SPRED1: variants seen among roughly 807,000 people sequenced by gnomAD.
SPRED1 encodes the protein sprouty related EVH1 domain containing 1.
A neutral mutation model predicts 52.3 loss-of-function variants in SPRED1; 18 were observed. That is an observed-to-expected ratio of 0.34 (90% CI 0.24 to 0.51). The LOEUF (loss-of-function observed/expected upper bound fraction) is 0.51. Among genes scored for constraint, SPRED1 ranks in the 20% least tolerant of loss-of-function variants. SPRED1 has a pLI of 0.97. For missense variants in SPRED1, 485 were observed against 551.0 expected (o/e 0.88, Z 1.20); for synonymous variants, 155 against 179.7 (o/e 0.86, Z 1.10).
chr15:38,267,191 T>C (rs572630378), intron 1 of SPRED1, among the ~76,000 whole-genome samples: 1 of 152,318 alleles, frequency 6.6e-6, no homozygotes, highest in South Asian at 2.1e-4. Context: ...TCACCTGATA[T>C]ACTTAATATA....
intron 2 of SPRED1, among the ~76,000 whole-genome samples, chr15:38,312,948 T>C (rs756802773): frequency 2.0e-5 from 3 of 152,022 alleles, no homozygotes; most frequent in Non-Finnish European, 2.9e-5. Context: ...CCCTCTTGTA[T>C]ACCTTTTACC....
intron 1 of SPRED1, among the ~76,000 whole-genome samples, chr15:38,294,254 C>T (rs7182928): frequency 4.4e-4 from 67 of 152,250 alleles, no homozygotes; most frequent in African/African-American, 1.5e-3. Context: ...GGTGTTCTGT[C>T]ACTATAAATA....
chr15:38,351,373 T>G lies in SPRED1; in HGVS notation c.1044T>G (p.Val348=), dbSNP rs3751526. 6.2e-7 allele frequency: 1 copy of G among 1,614,006 alleles called. No homozygotes were observed. The highest frequency in any genetic ancestry group is 1.3e-5 in the African/African-American group (1 of 74,954). ...AAAGGTTTAATCATGAAGAAAATGT[T>G]AGGGGAAAATGTCAGGATGCTCCAG... ...CQERFNHEEN[V]RGKCQDAPDP... The change falls in exon 7 of 7, where the codon GTT becomes GTG. Residue 348 remains valine, a synonymous_variant. Coordinates refer to ENST00000299084, the MANE Select transcript of SPRED1 (RefSeq NM_152594.3).
At chr15:38,311,556 A>T (rs777543191) in intron 2 of SPRED1, among the ~76,000 whole-genome samples, 10 of 152,178 alleles carry the variant, frequency 6.6e-5, no homozygotes, top group Non-Finnish European at 1.2e-4. Context: ...CAATATGAAG[A>T]TCTCTTCAGA....
intron 2 of SPRED1, among the ~76,000 whole-genome samples, chr15:38,302,860 G>A (rs1321251822): frequency 6.6e-6 from 1 of 152,048 alleles, no homozygotes; most frequent in African/African-American, 2.4e-5. Flanking sequence ...TCGTTGTTAA[G>A]GACAGATTCT....
At chr15:38,271,393 G>C (rs941964606) in intron 1 of SPRED1, among the ~76,000 whole-genome samples, 2 of 152,182 alleles carry the variant, frequency 1.3e-5, no homozygotes, top group Non-Finnish European at 2.9e-5. Flanking sequence ...GCATTTCTTA[G>C]TAGTCACATT....
intron 1 of SPRED1, among the ~76,000 whole-genome samples, chr15:38,277,589 A>T (rs111781310): frequency 1.3e-5 from 2 of 152,156 alleles, no homozygotes; most frequent in Non-Finnish European, 2.9e-5. Context: ...ATACATGTGC[A>T]TGTGTCTTTA....
intron 5 of SPRED1, among the ~76,000 whole-genome samples, chr15:38,347,461 C>CTTTTTTTT (rs3075337): frequency 2.1e-5 from 2 of 93,222 alleles, no homozygotes; most frequent in African/African-American, 8.1e-5. Context: ...CCGCTTGGAT[C>CTTTTTTTT]TTTTTTTTTT....
At chr15:38,344,424 C>A (rs142388573) in intron 5 of SPRED1, among the ~76,000 whole-genome samples, 56 of 152,240 alleles carry the variant, frequency 3.7e-4, no homozygotes, top group Middle Eastern at 6.8e-3. Flanking sequence ...GAACTGAACT[C>A]TTCTCCCAAA....
chr15:38,261,734 G>A (rs750089937), intron 1 of SPRED1, among the ~76,000 whole-genome samples: 3 of 152,152 alleles, frequency 2.0e-5, no homozygotes, highest in Non-Finnish European at 4.4e-5. Context: ...AATGTGGAAT[G>A]TAATTCTTTT....
rs564279228 is a variant in SPRED1 at position 38,320,061 on chromosome 15, A to G, written c.208-2180A>G. Among the ~76,000 whole-genome samples, 19 of 152,324 alleles carry G rather than the reference A, an allele frequency of 1.2e-4. No individual in the cohort carries two copies. The East Asian group carries it at 3.5e-3, about 28-fold the overall frequency. ...CAAGAACCTAGGTAATTGTAAAAAT[A>G]TAGTAAAATAATTAGGAACTGATGA... On this transcript the variant is annotated intron_variant, in intron 2 of 6. Transcript: ENST00000299084.
intron 4 of SPRED1, among the ~76,000 whole-genome samples, chr15:38,331,136 C>T (rs180944858): frequency 5.1e-4 from 77 of 151,726 alleles, no homozygotes; most frequent in Middle Eastern, 3.4e-3. Context: ...ATAATTCTTA[C>T]ACCAGCAGCT....
chr15:38,324,913 T>G lies in SPRED1; in HGVS notation c.423+104T>G, dbSNP rs1263036009. 4 of 948,918 alleles carry G rather than the reference T, an allele frequency of 4.2e-6. No homozygotes were observed. The African/African-American group carries it at 6.5e-5, about 16-fold the overall frequency. 58.8% of individuals were successfully genotyped at this position (948,918 alleles called of 1,614,324 possible). ...ATTACTAAGAATATTTCTAAGACAC[T>G]CTATTTGTCAGATTTCTCCAGAAGA... On this transcript the variant is annotated intron_variant, in intron 4 of 6. Coordinates refer to ENST00000299084, the MANE Select transcript of SPRED1 (RefSeq NM_152594.3).
intron 1 of SPRED1, among the ~76,000 whole-genome samples, chr15:38,287,007 G>A (rs1301527747): frequency 6.6e-6 from 1 of 152,022 alleles, no homozygotes; most frequent in African/African-American, 2.4e-5. Context: ...CTTGAGGGAA[G>A]GTATAGAATC....
intron 4 of SPRED1, among the ~76,000 whole-genome samples, chr15:38,331,267 C>T (rs114771901): frequency 0.024 from 3,669 of 152,102 alleles, 161 homozygotes; most frequent in African/African-American, 0.084. Context: ...TATATAAATG[C>T]TATAGATGTA....
intron 4 of SPRED1, among the ~76,000 whole-genome samples, chr15:38,334,287 A>G (rs944485919): frequency 8.6e-5 from 13 of 152,022 alleles, no homozygotes; most frequent in Non-Finnish European, 1.5e-5. Context: ...TGACTTCAAG[A>G]TAGGGTTTAT....
rs190722503 is a variant in SPRED1 at position 38,277,427 on chromosome 15, A to G, written c.33-21946A>G. Among the ~76,000 whole-genome samples the G allele has an allele frequency of 5.3e-5, 8 of 152,280 alleles. No individual in the cohort carries two copies. The East Asian group carries it at 1.2e-3, about 22-fold the overall frequency. ...ATACCCATGGCTTCCAGGTCCATCC[A>G]TGTTGCTGCAGAGGACATGATCTCA... is the stretch of plus-strand genomic sequence containing the variant. On this transcript the variant is annotated intron_variant, in intron 1 of 6. Transcript: ENST00000299084.
intron 1 of SPRED1, among the ~76,000 whole-genome samples, chr15:38,282,280 GC>G (rs1894706514): frequency 6.6e-6 from 1 of 151,568 alleles, no homozygotes; most frequent in Non-Finnish European, 1.5e-5. Flanking sequence ...TTTGAGACCA[GC>G]CTGGCCAACA....
At position 38,339,270 on chromosome 15, in the gene SPRED1, T is replaced by C. The variant is rs1257117912; in HGVS notation, c.424-467T>C. 2.6e-5 allele frequency among the ~76,000 whole-genome samples: 4 copies of C among 152,164 alleles called. No individual in the cohort carries two copies. The East Asian group carries it at 7.7e-4, about 29-fold the overall frequency. ...AGTTGAGTCTAATTTATTCATTCAC[T>C]CATTCAACACAATAGTAGACTAATG... On this transcript the variant is annotated intron_variant, in intron 4 of 6. Coordinates refer to ENST00000299084, the MANE Select transcript of SPRED1 (RefSeq NM_152594.3).
Sources: gnomAD v4.1 joint callset for allele counts (sites outside exome capture counted in the v4.1 genomes callset) on GRCh38, gnomAD v4.1.1 for gene constraint, MANE v1.5 for transcripts, NCBI Gene and HGNC (gene_info 2026-07-23, HGNC 2026-07-21) for gene names.